Variants in PCDH11X observed in about 807,000 individuals in gnomAD.
The protein encoded by PCDH11X is protocadherin 11 X-linked, also known as protocadherin-11 X-linked.
In PCDH11X, 18 loss-of-function variants were observed where a neutral mutation model predicts 53.3. That is an observed-to-expected ratio of 0.34 (90% CI 0.23 to 0.50). The LOEUF is 0.50. Ranked by LOEUF, PCDH11X falls within the 20% of genes least tolerant of loss-of-function variation. PCDH11X has a pLI of 0.98. For synonymous variants in PCDH11X, 279 were observed against 393.3 expected, an observed-to-expected ratio of 0.71 and a Z score of 3.44; for missense variants, 570 against 1,032.4, an observed-to-expected ratio of 0.55 and a Z score of 6.14.
chrX:92,454,629 A>C (rs2072874832), intron 9 of PCDH11X, among the ~76,000 whole-genome samples: 1 of 106,965 alleles, frequency 9.3e-6, no homozygotes, highest in Non-Finnish European at 1.9e-5. Context: ...TCATTATGAA[A>C]GAAATGGGTT....
At chrX:92,299,091 T>C (rs1343864623) in intron 8 of PCDH11X, among the ~76,000 whole-genome samples, 1 of 111,129 alleles carries the variant, frequency 9.0e-6, no homozygotes, top group Non-Finnish European at 1.9e-5. Flanking sequence ...GGGAGTTCCT[T>C]TAGTCCCCAA....
intron 10 of PCDH11X, among the ~76,000 whole-genome samples, chrX:92,495,688 AC>A (rs1227842328): frequency 9.2e-6 from 1 of 108,576 alleles, no homozygotes; most frequent in East Asian, 2.9e-4. Flanking sequence ...GTTTAATTAG[AC>A]TTTCAGTTTC....
At chrX:91,944,379 C>T (rs1407785563) in intron 6 of PCDH11X, among the ~76,000 whole-genome samples, 1 of 105,526 alleles carries the variant, frequency 9.5e-6, no homozygotes, top group African/African-American at 3.4e-5. Context: ...ATCTTCAGCA[C>T]ATCAAAACTT....
At chrX:92,157,646 T>C (rs1195483299) in intron 6 of PCDH11X, among the ~76,000 whole-genome samples, 2 of 111,738 alleles carry the variant, frequency 1.8e-5, no homozygotes, top group Admixed American at 1.9e-4. Context: ...AATAAATAAT[T>C]GTTATAGACT....
At chrX:92,528,564 G>T (rs1293197402) in intron 10 of PCDH11X, among the ~76,000 whole-genome samples, 1 of 111,698 alleles carries the variant, frequency 9.0e-6, no homozygotes, top group Non-Finnish European at 1.9e-5. Context: ...AAAGTGCTGG[G>T]ATTACAGGCA....
intron 6 of PCDH11X, among the ~76,000 whole-genome samples, chrX:91,918,034 G>C (rs1245668037): frequency 1.0e-5 from 1 of 100,224 alleles, no homozygotes; most frequent in African/African-American, 3.6e-5. Context: ...ATTGAAGAGA[G>C]ACACATCATT....
intron 7 of PCDH11X, among the ~76,000 whole-genome samples, chrX:92,228,409 A>T (rs2067008213): frequency 9.0e-6 from 1 of 111,465 alleles, no homozygotes. Flanking sequence ...TGACATCTAC[A>T]TTCAAATTTT....
intron 1 of PCDH11X, among the ~76,000 whole-genome samples, chrX:91,780,392 A>G (rs1405696620): frequency 8.9e-6 from 1 of 112,360 alleles, no homozygotes; most frequent in Admixed American, 9.4e-5. Flanking sequence ...TGTGAGAAAT[A>G]CTGCCTATTT....
chrX:92,247,865 T>C (rs1268475908), intron 7 of PCDH11X, among the ~76,000 whole-genome samples: 1 of 111,784 alleles, frequency 8.9e-6, no homozygotes, highest in African/African-American at 3.3e-5. Context: ...TTGGAGGGCG[T>C]TATTTCACCC....
chrX:92,538,621 T>C (rs1266721212), intron 10 of PCDH11X, among the ~76,000 whole-genome samples: 2 of 100,061 alleles, frequency 2.0e-5, no homozygotes, highest in African/African-American at 7.2e-5. Context: ...ATAGCAAAGA[T>C]TGCATAAACA....
intron 6 of PCDH11X, among the ~76,000 whole-genome samples, chrX:91,986,322 T>C (rs1457822704): frequency 1.1e-4 from 12 of 112,081 alleles, no homozygotes; most frequent in African/African-American, 3.9e-4. Flanking sequence ...ATAAATGTGC[T>C]AACTTTCTAT....
At position 91,969,752 on chromosome X, in the gene PCDH11X, G is replaced by A. The variant is rs570989521; in HGVS notation, c.3033+90479G>A. ...GCTGAGGCTGCAGTGAGCAGTGACT[G>A]TGCCACTGCACTGCAGCCTGGGTGA... On this transcript the variant is annotated intron_variant, in intron 6 of 10. Coordinates refer to ENST00000682573, the MANE Select transcript of PCDH11X (RefSeq NM_032968.5). 6.0e-4 allele frequency among the ~76,000 whole-genome samples: 64 copies of A among 105,943 alleles called. No homozygotes were observed. In the South Asian group the frequency reaches 0.011, roughly 18 times the overall value. The allele number at this position is 105,943 out of a possible 115,157, so 92.0% of individuals were successfully genotyped here.
At chrX:92,585,177 A>G (rs1602389607) in intron 10 of PCDH11X, among the ~76,000 whole-genome samples, 1 of 109,540 alleles carries the variant, frequency 9.1e-6, no homozygotes, top group Non-Finnish European at 1.9e-5. Flanking sequence ...CTCACTATCA[A>G]AAGAACAGCA....
chrX:92,618,149 C>T, intron 10 of PCDH11X, 115 bp from the exon 11 acceptor site: 5 of 976,777 alleles, frequency 5.1e-6, no homozygotes, highest in Non-Finnish European at 6.9e-6. Flanking sequence ...TAATGGAAGT[C>T]TTTAATGCAT....
At chrX:92,041,863 G>A (rs1441225235) in intron 6 of PCDH11X, among the ~76,000 whole-genome samples, 1 of 111,559 alleles carries the variant, frequency 9.0e-6, no homozygotes, top group African/African-American at 3.3e-5. Context: ...CAGCTACTCA[G>A]GGGGCTGAAG....
At position 92,393,594 on chromosome X, in the gene PCDH11X, T is replaced by A. The variant is rs1419577980; in HGVS notation, c.3343+5661T>A. ...ATTTAAAAATTTCCTTAATATTTAT[T>A]AATATTTTTAAGGTAACAATAATAT... On this transcript the variant is annotated intron_variant, in intron 9 of 10. Transcript: ENST00000682573. Among the ~76,000 whole-genome samples the A allele has an allele frequency of 5.4e-5, 6 of 111,327 alleles. No homozygotes were observed. The South Asian group carries it at 2.2e-3, about 41-fold the overall frequency.
intron 6 of PCDH11X, among the ~76,000 whole-genome samples, chrX:92,080,641 G>A (rs1289281004): frequency 9.3e-6 from 1 of 107,351 alleles, no homozygotes; most frequent in Non-Finnish European, 1.9e-5. Flanking sequence ...TTTTGGCTTC[G>A]GGACTGAAAA....
intron 6 of PCDH11X, among the ~76,000 whole-genome samples, chrX:92,038,365 C>G (rs4893298): frequency 7.3e-5 from 8 of 110,026 alleles, no homozygotes; most frequent in African/African-American, 2.7e-4. Flanking sequence ...GCCCTATGTC[C>G]CAGGAGCTCC....
At chrX:92,271,566 G>C (rs949434162) in intron 8 of PCDH11X, among the ~76,000 whole-genome samples, 1 of 111,915 alleles carries the variant, frequency 8.9e-6, no homozygotes, top group African/African-American at 3.2e-5. Flanking sequence ...TGTAAATGGA[G>C]AGGATGAAGT....
Sources: gnomAD v4.1 joint callset for allele counts (sites outside exome capture counted in the v4.1 genomes callset) on GRCh38, gnomAD v4.1.1 for gene constraint, MANE v1.5 for transcripts, NCBI Gene and HGNC (gene_info 2026-07-23, HGNC 2026-07-21) for gene names.